Variants in ADAMTSL1 observed in about 807,000 individuals in gnomAD.
The protein encoded by ADAMTSL1 is ADAMTS-like protein 1.
ADAMTSL1 carries 126 observed loss-of-function variants against 201.8 expected under a neutral mutation model. The ratio of observed to expected loss-of-function variants is 0.62; its 90% CI spans 0.54 to 0.72. The LOEUF (loss-of-function observed/expected upper bound fraction) is 0.72, where lower values mean the gene tolerates loss of function less well. ADAMTSL1 is among the 30% of genes least tolerant of loss of function. The pLI is 0.00. For missense variants in ADAMTSL1, 2,679 were observed against 2,277.8 expected, an observed-to-expected ratio of 1.18 and a Z score of -3.59; for synonymous variants, 1,121 against 903.4, an observed-to-expected ratio of 1.24 and a Z score of -4.32.
At chr9:18,590,828 T>C (rs559966170) in intron 4 of ADAMTSL1, among the ~76,000 whole-genome samples, 11 of 152,270 alleles carry the variant, frequency 7.2e-5, no homozygotes, top group Non-Finnish European at 1.2e-4. Context: ...CCAAAGTTCG[T>C]CTATATTTGT....
intron 2 of ADAMTSL1, among the ~76,000 whole-genome samples, chr9:18,366,496 A>G (rs1836773221): frequency 6.6e-6 from 1 of 151,794 alleles, no homozygotes; most frequent in African/African-American, 2.4e-5. Context: ...AGGTTTTTAT[A>G]TCATAAAACC....
chr9:17,976,232 G>T (rs974522266), intron 1 of ADAMTSL1, among the ~76,000 whole-genome samples: 1 of 52,056 alleles, frequency 1.9e-5, no homozygotes, highest in Admixed American at 2.7e-4. Flanking sequence ...TAAAAATTTA[G>T]TATTTTTTTT....
At chr9:18,845,920 A>T (rs1343089382) in intron 23 of ADAMTSL1, among the ~76,000 whole-genome samples, 3 of 152,198 alleles carry the variant, frequency 2.0e-5, no homozygotes, top group African/African-American at 7.2e-5. Context: ...TATATGAGAA[A>T]ACAGTTGAAT....
intron 2 of ADAMTSL1, among the ~76,000 whole-genome samples, chr9:18,418,695 G>A (rs966516451): frequency 6.6e-6 from 1 of 152,134 alleles, no homozygotes; most frequent in Non-Finnish European, 1.5e-5. Flanking sequence ...AATCAAAGAA[G>A]ACCTAAGTAA....
intron 2 of ADAMTSL1, among the ~76,000 whole-genome samples, chr9:18,313,209 C>G (rs1040100588): frequency 6.6e-6 from 1 of 152,208 alleles, no homozygotes; most frequent in Non-Finnish European, 1.5e-5. Context: ...AATGCTGATA[C>G]TGTTCGTCCT....
intron 12 of ADAMTSL1, among the ~76,000 whole-genome samples, chr9:18,683,693 A>T (rs1029413727): frequency 6.6e-6 from 1 of 152,230 alleles, no homozygotes; most frequent in Non-Finnish European, 1.5e-5. Flanking sequence ...ATAGAGAACA[A>T]GAAGTGATGC....
At position 18,272,249 on chromosome 9, in the gene ADAMTSL1, C is replaced by T. The variant is rs1832401633; in HGVS notation, c.207+108268C>T. On this transcript the variant is annotated intron_variant, in intron 2 of 29. Transcript: ENST00000680146. ...AACCAAAACAGCATGGTACTGGTAC[C>T]AAAACAGAGATATAAACCAATGGAA... 2.0e-5 allele frequency among the ~76,000 whole-genome samples: 3 copies of T among 151,990 alleles called. No homozygotes were observed. In the South Asian group the frequency reaches 6.2e-4, roughly 32 times the overall value.
chr9:17,943,923 C>T (rs930262410), intron 1 of ADAMTSL1, among the ~76,000 whole-genome samples: 1 of 151,888 alleles, frequency 6.6e-6, no homozygotes, highest in Non-Finnish European at 1.5e-5. Flanking sequence ...CATTACATGG[C>T]CACAGAAGGA....
At chr9:18,545,742 C>A (rs943579089) in intron 3 of ADAMTSL1, among the ~76,000 whole-genome samples, 1 of 152,118 alleles carries the variant, frequency 6.6e-6, no homozygotes, top group Non-Finnish European at 1.5e-5. Context: ...CTCTAGTGAA[C>A]CAGATAGAAG....
chr9:18,329,860 T>C (rs562470077), intron 2 of ADAMTSL1, among the ~76,000 whole-genome samples: 2 of 152,324 alleles, frequency 1.3e-5, no homozygotes, highest in African/African-American at 4.8e-5. Context: ...CACCAGGCAG[T>C]GCATATGCAG....
At chr9:18,455,906 AT>A (rs1448570981) in intron 2 of ADAMTSL1, among the ~76,000 whole-genome samples, 1 of 152,120 alleles carries the variant, frequency 6.6e-6, no homozygotes, top group Non-Finnish European at 1.5e-5. Context: ...GAGACCCAAA[AT>A]GCTTGCTAGG....
chr9:18,062,172 C>T (rs1460329754), intron 1 of ADAMTSL1, among the ~76,000 whole-genome samples: 1 of 152,120 alleles, frequency 6.6e-6, no homozygotes, highest in Non-Finnish European at 1.5e-5. Context: ...ATATTTCAAC[C>T]TTAGTGATTC....
intron 2 of ADAMTSL1, among the ~76,000 whole-genome samples, chr9:18,211,861 G>GT (rs1563810936): frequency 6.6e-6 from 1 of 152,202 alleles, no homozygotes; most frequent in Non-Finnish European, 1.5e-5. Context: ...TGTTGGAAAT[G>GT]TTTTTTACAT....
chr9:18,302,302 T>C (rs1182877662), intron 2 of ADAMTSL1, among the ~76,000 whole-genome samples: 1 of 152,176 alleles, frequency 6.6e-6, no homozygotes, highest in Non-Finnish European at 1.5e-5. Context: ...TCCTAGAGGA[T>C]ACTCTCTGTC....
At chr9:18,594,982 G>T (rs1462503596) in intron 4 of ADAMTSL1, among the ~76,000 whole-genome samples, 1 of 152,174 alleles carries the variant, frequency 6.6e-6, no homozygotes, top group African/African-American at 2.4e-5. Flanking sequence ...TAAGCTGACT[G>T]ACTATGGTGT....
intron 1 of ADAMTSL1, among the ~76,000 whole-genome samples, chr9:17,992,778 C>A (rs1819212460): frequency 6.6e-6 from 1 of 152,152 alleles, no homozygotes; most frequent in South Asian, 2.1e-4. Flanking sequence ...TGCTATTACC[C>A]TATAACTTAC....
chr9:18,784,142 T>C (rs1821563413), intron 19 of ADAMTSL1, among the ~76,000 whole-genome samples: 1 of 152,222 alleles, frequency 6.6e-6, no homozygotes, highest in Non-Finnish European at 1.5e-5. Flanking sequence ...TGACCCACTT[T>C]GTCTGGCTAA....
chr9:17,976,182 C>T (rs1244931037), intron 1 of ADAMTSL1, among the ~76,000 whole-genome samples: 1 of 151,886 alleles, frequency 6.6e-6, no homozygotes, highest in Non-Finnish European at 1.5e-5. Flanking sequence ...TGTTCTTGTT[C>T]AAGATCGCTT....
At chr9:18,287,306 T>C (rs1833027417) in intron 2 of ADAMTSL1, among the ~76,000 whole-genome samples, 1 of 151,946 alleles carries the variant, frequency 6.6e-6, no homozygotes, top group Non-Finnish European at 1.5e-5. Flanking sequence ...TACATACGTA[T>C]ATACATATGT....
Sources: allele counts gnomAD v4.1 joint callset (sites outside exome capture counted in the v4.1 genomes callset), GRCh38; gene constraint gnomAD v4.1.1; transcripts MANE v1.5; gene names NCBI Gene and HGNC (gene_info 2026-07-23, HGNC 2026-07-21).